CPE: variants seen among roughly 807,000 people sequenced by gnomAD.
CPE encodes carbocypeptidase E.
A neutral mutation model predicts 53.5 loss-of-function variants in CPE; 17 were observed. The ratio of observed to expected loss-of-function variants is 0.32; its 90% CI spans 0.22 to 0.48. The LOEUF (loss-of-function observed/expected upper bound fraction) is 0.48, where lower values mean the gene tolerates loss of function less well. Ranked by LOEUF, CPE falls within the 20% of genes least tolerant of loss-of-function variation. The pLI is 0.99. For missense variants in CPE, 524 were observed against 614.7 expected (o/e 0.85, Z 1.56); for synonymous variants, 226 against 228.8 (o/e 0.99, Z 0.11).
Position 165,420,567 on chromosome 4 carries a change from CT to C in CPE, c.307+41040del, listed in dbSNP as rs533794336. On this transcript the variant is annotated intron_variant, in intron 1 of 8. Transcript: ENST00000402744. ...ACAGGTGATGTCTAGTTTATTTTTT[CT>C]GTTTTTTTTCTGAGTGTACTATATA... 3.2e-3 allele frequency among the ~76,000 whole-genome samples: 435 copies of C among 136,426 alleles called. 2 individuals carry two copies. Among genetic ancestry groups the C allele is most frequent in the African/African-American group, 0.011 (403 of 37,118 alleles). 89.5% of individuals were successfully genotyped at this position (136,426 alleles called of 152,430 possible).
At chr4:165,413,341 G>A (rs1204272356) in intron 1 of CPE, among the ~76,000 whole-genome samples, 2 of 152,134 alleles carry the variant, frequency 1.3e-5, no homozygotes, top group Admixed American at 1.3e-4. Flanking sequence ...GATAGAGAAC[G>A]GGAATCTTGT....
intron 1 of CPE, among the ~76,000 whole-genome samples, chr4:165,433,218 T>C (rs1392567920): frequency 6.6e-6 from 1 of 152,164 alleles, no homozygotes; most frequent in East Asian, 1.9e-4. Flanking sequence ...AGAAAGGTAA[T>C]GGATTGGTTA....
intron 1 of CPE, among the ~76,000 whole-genome samples, chr4:165,410,348 A>G (rs1021492830): frequency 6.6e-6 from 1 of 152,136 alleles, no homozygotes; most frequent in African/African-American, 2.4e-5. Context: ...CAGAACTATG[A>G]ACTGACTCCT....
chr4:165,439,139 G>A (rs1235394614), intron 1 of CPE, among the ~76,000 whole-genome samples: 1 of 152,176 alleles, frequency 6.6e-6, no homozygotes, highest in Admixed American at 6.5e-5. Context: ...CATTGAAGAT[G>A]CTTTTGGATA....
chr4:165,458,383 T>C (rs1035445746), intron 1 of CPE, among the ~76,000 whole-genome samples: 2 of 152,340 alleles, frequency 1.3e-5, no homozygotes, highest in African/African-American at 4.8e-5. Context: ...GTTTTGAAAT[T>C]GTCACCAGCT....
chr4:165,451,785 C>G (rs774764982), intron 1 of CPE, among the ~76,000 whole-genome samples: 1 of 150,226 alleles, frequency 6.7e-6, no homozygotes, highest in African/African-American at 2.5e-5. Flanking sequence ...CCACTGTGCT[C>G]GGCCCAGAAG....
intron 3 of CPE, among the ~76,000 whole-genome samples, chr4:165,473,192 T>C (rs1327782456): frequency 6.6e-6 from 1 of 152,232 alleles, no homozygotes; most frequent in East Asian, 1.9e-4. Flanking sequence ...AGACCATCTA[T>C]GACATGCTTG....
At chr4:165,460,720 ATTCATTTACTCT>A (rs957862512) in intron 1 of CPE, among the ~76,000 whole-genome samples, 1 of 152,206 alleles carries the variant, frequency 6.6e-6, no homozygotes, top group Non-Finnish European at 1.5e-5. Flanking sequence ...AAGCAAGACC[ATTCATTTACTCT>A]TTCATTCACA....
intron 8 of CPE, among the ~76,000 whole-genome samples, chr4:165,497,199 C>T (rs1315698776): frequency 4.6e-5 from 7 of 152,104 alleles, no homozygotes; most frequent in African/African-American, 1.2e-4. Flanking sequence ...GGATTACAGA[C>T]GTGAGCCACC....
chr4:165,439,026 C>T (rs952181680), intron 1 of CPE, among the ~76,000 whole-genome samples: 15 of 152,098 alleles, frequency 9.9e-5, no homozygotes, highest in Non-Finnish European at 1.5e-5. Context: ...CCAAAGGTGT[C>T]TGATTTTCAG....
intron 1 of CPE, among the ~76,000 whole-genome samples, chr4:165,420,592 T>C (rs1162529819): frequency 6.6e-6 from 1 of 152,074 alleles, no homozygotes; most frequent in African/African-American, 2.4e-5. Flanking sequence ...GTGTACTATA[T>C]AAATTGTATA....
intron 1 of CPE, among the ~76,000 whole-genome samples, chr4:165,441,735 G>A (rs777154166): frequency 2.0e-5 from 3 of 152,138 alleles, no homozygotes; most frequent in African/African-American, 4.8e-5. Context: ...TTATGGTTGA[G>A]GACTTATGCA....
intron 1 of CPE, among the ~76,000 whole-genome samples, chr4:165,429,859 G>A (rs1398044534): frequency 1.3e-5 from 2 of 151,912 alleles, no homozygotes; most frequent in African/African-American, 4.8e-5. Context: ...GTGCTTTTTG[G>A]GTTTTTAAAA....
At chr4:165,466,882 A>T (rs948470868) in intron 2 of CPE, among the ~76,000 whole-genome samples, 2 of 152,208 alleles carry the variant, frequency 1.3e-5, no homozygotes, top group Admixed American at 1.3e-4. Context: ...TCTTTGTAAT[A>T]ACACTTAGAT....
chr4:165,405,544 A>G (rs1730939563), intron 1 of CPE: 2 of 947,908 alleles, frequency 2.1e-6, no homozygotes, highest in Non-Finnish European at 3.5e-6. Context: ...TGACAAATGG[A>G]ATAGTCATGG....
At chr4:165,494,171 C>T (rs1161730367) in intron 7 of CPE, among the ~76,000 whole-genome samples, 1 of 152,214 alleles carries the variant, frequency 6.6e-6, no homozygotes, top group East Asian at 1.9e-4. Flanking sequence ...ATGCCAGAAT[C>T]TGTGCCAAGA....
intron 1 of CPE, chr4:165,404,695 C>A: frequency 1.1e-6 from 1 of 918,578 alleles, no homozygotes; most frequent in South Asian, 1.3e-5. Context: ...CTTCAGACAT[C>A]ATGGGTGCAA....
chr4:165,388,078 G>A (rs774115475), intron 1 of CPE, among the ~76,000 whole-genome samples: 35 of 152,166 alleles, frequency 2.3e-4, no homozygotes, highest in Non-Finnish European at 3.5e-4. Flanking sequence ...CTATACAGGC[G>A]AAAGTATTTA....
chr4:165,487,253 A>G (rs1036281567), intron 5 of CPE, among the ~76,000 whole-genome samples, 185 bp from the exon 6 acceptor site: 2 of 152,202 alleles, frequency 1.3e-5, no homozygotes, highest in Admixed American at 6.5e-5. Context: ...CTTTTAAGGT[A>G]TAACAACCCC....
Sources: gnomAD v4.1 joint callset for allele counts (sites outside exome capture counted in the v4.1 genomes callset) on GRCh38, gnomAD v4.1.1 for gene constraint, MANE v1.5 for transcripts, NCBI Gene and HGNC (gene_info 2026-07-23, HGNC 2026-07-21) for gene names.